Variants in SPOCK1 observed in about 807,000 individuals in gnomAD.
SPOCK1 encodes SPARC (osteonectin), cwcv and kazal like domains proteoglycan 1.
SPOCK1 carries 23 observed loss-of-function variants against 55.3 expected under a neutral mutation model. The ratio of observed to expected loss-of-function variants is 0.42; its 90% CI spans 0.30 to 0.59. The LOEUF is 0.59. Among genes scored for constraint, SPOCK1 ranks in the 20% least tolerant of loss-of-function variants. The probability of loss-of-function intolerance (pLI) is 0.22; values close to 1 mark genes in which losing one functional copy is unlikely to be tolerated. For missense variants in SPOCK1, 499 were observed against 552.5 expected (o/e 0.90, Z 0.97); for synonymous variants, 226 against 221.0 (o/e 1.02, Z -0.20).
At chr5:137,277,242 T>A (rs1757084701) in intron 2 of SPOCK1, among the ~76,000 whole-genome samples, 1 of 152,162 alleles carries the variant, frequency 6.6e-6, no homozygotes, top group African/African-American at 2.4e-5. Context: ...CTCAAACTCC[T>A]AGCCTCATGT....
At chr5:137,438,580 A>G (rs907169490) in intron 2 of SPOCK1, among the ~76,000 whole-genome samples, 3 of 152,170 alleles carry the variant, frequency 2.0e-5, no homozygotes, top group Non-Finnish European at 2.9e-5. Flanking sequence ...CTACAGCCCA[A>G]TCTATCACCA....
intron 2 of SPOCK1, among the ~76,000 whole-genome samples, chr5:137,416,616 G>T (rs1335393661): frequency 6.6e-6 from 1 of 152,096 alleles, no homozygotes; most frequent in Non-Finnish European, 1.5e-5. Context: ...AGATACAGTG[G>T]AGGATGTAAC....
intron 6 of SPOCK1, among the ~76,000 whole-genome samples, chr5:137,056,891 C>T (rs1752311725): frequency 6.6e-6 from 1 of 152,110 alleles, no homozygotes. Context: ...TGCTATGCAA[C>T]AGGTGGGCTA....
intron 5 of SPOCK1, among the ~76,000 whole-genome samples, chr5:137,095,362 G>C (rs540952352): frequency 6.6e-6 from 1 of 152,228 alleles, no homozygotes; most frequent in East Asian, 1.9e-4. Flanking sequence ...CTTAGTATCT[G>C]CAAAGCACAA....
intron 5 of SPOCK1, among the ~76,000 whole-genome samples, chr5:137,071,565 C>T (rs1363377618): frequency 6.6e-6 from 1 of 152,144 alleles, no homozygotes; most frequent in Non-Finnish European, 1.5e-5. Context: ...ATAATATATA[C>T]ATTTTTATGT....
chr5:137,423,104 T>C (rs907038933), intron 2 of SPOCK1, among the ~76,000 whole-genome samples: 1 of 152,232 alleles, frequency 6.6e-6, no homozygotes, highest in Admixed American at 6.5e-5. Flanking sequence ...ACAGCAAATA[T>C]TGATGAACAG....
chr5:137,261,672 G>A (rs17171222), intron 3 of SPOCK1, among the ~76,000 whole-genome samples: 19,004 of 152,162 alleles, frequency 0.12, 1,221 homozygotes, highest in Admixed American at 0.16. Flanking sequence ...GTCTGCTCTG[G>A]AAGAATGATT....
chr5:137,070,320 T>C (rs916918930), intron 5 of SPOCK1, among the ~76,000 whole-genome samples: 4 of 152,218 alleles, frequency 2.6e-5, no homozygotes, highest in Non-Finnish European at 5.9e-5. Context: ...TGTTTGGGGA[T>C]TATTTGTTAT....
chr5:137,257,296 C>G (rs1415923561), intron 3 of SPOCK1, among the ~76,000 whole-genome samples: 1 of 152,310 alleles, frequency 6.6e-6, no homozygotes, highest in South Asian at 2.1e-4. Context: ...TGTGTCCCCC[C>G]CCAAAATTTA....
chr5:136,990,839 G>A (rs953836116), intron 7 of SPOCK1, among the ~76,000 whole-genome samples: 4 of 152,248 alleles, frequency 2.6e-5, no homozygotes, highest in South Asian at 4.1e-4. Context: ...AAAGTCAAGC[G>A]CAGCCCACCC....
At chr5:137,320,917 C>A (rs1278619677) in intron 2 of SPOCK1, among the ~76,000 whole-genome samples, 1 of 151,928 alleles carries the variant, frequency 6.6e-6, no homozygotes, top group African/African-American at 2.4e-5. Flanking sequence ...GAAATTGGTC[C>A]TAAAGAAAAA....
intron 3 of SPOCK1, among the ~76,000 whole-genome samples, chr5:137,222,857 A>AATCTTACAC (rs1400662536): frequency 1.3e-5 from 2 of 152,356 alleles, no homozygotes; most frequent in Admixed American, 6.5e-5. Context: ...ATGAAAACAA[A>AATCTTACAC]ATCTTACACT....
chr5:137,314,116 A>T (rs1188353829), intron 2 of SPOCK1, among the ~76,000 whole-genome samples: 1 of 151,508 alleles, frequency 6.6e-6, no homozygotes, highest in Non-Finnish European at 1.5e-5. Context: ...GCTTTATCCC[A>T]GTTAACCCTC....
intron 2 of SPOCK1, among the ~76,000 whole-genome samples, chr5:137,409,359 G>A (rs1752164064): frequency 6.6e-6 from 1 of 152,190 alleles, no homozygotes; most frequent in Non-Finnish European, 1.5e-5. Flanking sequence ...AGATCCATAG[G>A]CAGCATGCAG....
rs199775344 is a variant in SPOCK1 at position 136,992,536 on chromosome 5, G to T, written c.654C>A (p.His218Gln). 1 of 1,613,728 alleles carries T rather than the reference G, an allele frequency of 6.2e-7. No individual in the cohort carries two copies. The highest frequency in any genetic ancestry group is 1.3e-5 in the African/African-American group (1 of 74,866). The change falls in exon 7 of 11, where the codon CAC becomes CAA. Residue 218 changes from histidine (H) to glutamine (Q), a missense_variant. Around this residue, in one of 3 missense-constraint regions of SPOCK1, gnomAD observed 386 missense variants for 400.6 expected, o/e 0.96. Transcript: ENST00000394945. ...SRLKDWFGAL[H>Q]EDANRVIKPT... Reference sequence around the variant, plus strand: ...GCTTGATGACTCTGTTCGCATCCTCGTGGAGAGCTCCAAACCAATCCTTCA... The same window carrying T: ...GCTTGATGACTCTGTTCGCATCCTCTTGGAGAGCTCCAAACCAATCCTTCA...
intron 6 of SPOCK1, among the ~76,000 whole-genome samples, chr5:137,023,114 T>C (rs536730531): frequency 6.6e-6 from 1 of 152,252 alleles, no homozygotes; most frequent in African/African-American, 2.4e-5. Context: ...CTGGGACAAC[T>C]TGTATGCTTT....
At chr5:136,991,714 C>T (rs1405421119) in intron 7 of SPOCK1, among the ~76,000 whole-genome samples, 2 of 152,172 alleles carry the variant, frequency 1.3e-5, no homozygotes, top group East Asian at 1.9e-4. Flanking sequence ...ATTCTGTGCT[C>T]ATTGGCCACA....
At chr5:137,328,007 C>A (rs1385204995) in intron 2 of SPOCK1, among the ~76,000 whole-genome samples, 3 of 152,238 alleles carry the variant, frequency 2.0e-5, no homozygotes, top group African/African-American at 7.2e-5. Context: ...CCACGCCCAC[C>A]TGTGAAGCCA....
intron 2 of SPOCK1, among the ~76,000 whole-genome samples, chr5:137,477,405 G>A (rs1421883771): frequency 6.6e-6 from 1 of 152,064 alleles, no homozygotes; most frequent in East Asian, 1.9e-4. Context: ...TTGTAAGTGG[G>A]ACTGGGAAGG....
Sources: allele counts gnomAD v4.1 joint callset (sites outside exome capture counted in the v4.1 genomes callset), GRCh38; gene constraint gnomAD v4.1.1; regional missense constraint gnomAD v4.1.1; transcripts MANE v1.5; gene names NCBI Gene and HGNC (gene_info 2026-07-23, HGNC 2026-07-21).